BLTP1: variants seen among roughly 807,000 people sequenced by gnomAD.
BLTP1 encodes the protein bridge-like lipid transfer protein family member 1, also known as fragile site-associated protein.
At chr4:122,266,928 C>T in the BLTP1 span, 2 of 1,592,566 alleles carry the variant, frequency 1.3e-6, no homozygotes, top group Non-Finnish European at 1.7e-6. Context: ...TCAGACACAG[C>T]CAAAGAGAGA....
At chr4:122,313,628 G>A in the BLTP1 span, 1 of 1,586,142 alleles carries the variant, frequency 6.3e-7, no homozygotes, top group Non-Finnish European at 8.6e-7. Context: ...TTTTGTACAG[G>A]TGTAGTTCCA....
chr4:122,316,656 G>A, the BLTP1 span: 27,094 of 1,547,814 alleles, frequency 0.018, 342 homozygotes, highest in Non-Finnish European at 0.018. Flanking sequence ...TTGATTTAAG[G>A]TGTTAATTTT....
chr4:122,242,939 GATATC>G, the BLTP1 span: 1 of 1,015,136 alleles, frequency 9.9e-7, no homozygotes, highest in Non-Finnish European at 1.5e-6. Context: ...TATATCAGTT[GATATC>G]ATAAAATTAG....
At chr4:122,281,220 G>A in the BLTP1 span, 25 of 691,426 alleles carry the variant, frequency 3.6e-5, no homozygotes, top group East Asian at 1.3e-4. Flanking sequence ...CAGTAGTAGC[G>A]TGTAATAGTT....
chr4:122,197,905 T>C, the BLTP1 span: 20 of 885,966 alleles, frequency 2.3e-5, no homozygotes, highest in African/African-American at 3.2e-4. Context: ...TATAACTTCA[T>C]TTTGCCTTGT....
chr4:122,240,424 A>G, the BLTP1 span: 3,676 of 1,311,280 alleles, frequency 2.8e-3, 8 homozygotes, highest in Non-Finnish European at 3.5e-3. Context: ...AGTTATTTTC[A>G]TAATTACTCT....
the BLTP1 span, among the ~76,000 whole-genome samples, chr4:122,296,019 G>A: frequency 6.6e-6 from 1 of 152,106 alleles, no homozygotes; most frequent in Non-Finnish European, 1.5e-5. Context: ...TTGAAAACTG[G>A]CACAAGACAA....
the BLTP1 span, chr4:122,223,905 A>C: frequency 1.5e-6 from 1 of 653,602 alleles, no homozygotes; most frequent in Non-Finnish European, 1.9e-6. Flanking sequence ...GTGTTCCATG[A>C]AATAATCTGT....
chr4:122,309,595 G>C, the BLTP1 span: 2 of 899,432 alleles, frequency 2.2e-6, no homozygotes, highest in Admixed American at 5.4e-5. Flanking sequence ...GCTATTTCTA[G>C]TTACAGGTAA....
chr4:122,279,980 G>C, the BLTP1 span: 5 of 1,613,916 alleles, frequency 3.1e-6, no homozygotes, highest in African/African-American at 6.7e-5. Flanking sequence ...GCCTTCTACA[G>C]CGTAAGTTAT....
chr4:122,292,675 A>C, the BLTP1 span: 1 of 754,006 alleles, frequency 1.3e-6, no homozygotes, highest in African/African-American at 1.9e-5. Context: ...AAAAAGCATG[A>C]ATATTAAGAA....
At chr4:122,348,182 C>A in the BLTP1 span, among the ~76,000 whole-genome samples, 1 of 152,116 alleles carries the variant, frequency 6.6e-6, no homozygotes, top group Non-Finnish European at 1.5e-5. Flanking sequence ...GCACCCCAAC[C>A]GGCATCTGCA....
At chr4:122,190,449 A>T in the BLTP1 span, 1 of 964,588 alleles carries the variant, frequency 1.0e-6, no homozygotes, top group Non-Finnish European at 1.2e-6. Flanking sequence ...CTTCTATGAA[A>T]TGCTGATATC....
chr4:122,346,633 T>G, the BLTP1 span: 1 of 1,612,554 alleles, frequency 6.2e-7, no homozygotes, highest in Non-Finnish European at 8.5e-7. Context: ...CTGTTTGTGA[T>G]ATAGGGTCTG....
chr4:122,336,926 A>C, the BLTP1 span: 12 of 1,611,292 alleles, frequency 7.4e-6, no homozygotes, highest in African/African-American at 1.1e-4. Context: ...GAAATACCAG[A>C]TCCTATGGAA....
the BLTP1 span, among the ~76,000 whole-genome samples, chr4:122,154,591 T>C: frequency 1.3e-5 from 2 of 152,122 alleles, no homozygotes; most frequent in African/African-American, 4.8e-5. Flanking sequence ...ATTGAGAAAA[T>C]GGCCGGGCGC....
At chr4:122,224,298 T>TC in the BLTP1 span, 5,484 of 282,494 alleles carry the variant, frequency 0.019, 154 homozygotes, top group African/African-American at 0.08. Flanking sequence ...AGTTGGACTC[T>TC]CATAGGTATT....
At chr4:122,233,790 TAATAC>T in the BLTP1 span, among the ~76,000 whole-genome samples, 2 of 152,204 alleles carry the variant, frequency 1.3e-5, no homozygotes, top group African/African-American at 4.8e-5. Context: ...TCATAACACT[TAATAC>T]AATTTATGAT....
At chr4:122,232,242 C>T in the BLTP1 span, 3 of 508,092 alleles carry the variant, frequency 5.9e-6, no homozygotes, top group Non-Finnish European at 7.6e-6. Context: ...AACTTCTGAT[C>T]AGAGACTATA....
Sources: gnomAD v4.1 joint callset for allele counts (sites outside exome capture counted in the v4.1 genomes callset) on GRCh38, gnomAD v4.1.1 for gene constraint, MANE v1.5 for transcripts, NCBI Gene and HGNC (gene_info 2026-07-23, HGNC 2026-07-21) for gene names.